The following PCDH9 variants were observed in gnomAD, a reference collection of about 807,000 sequenced individuals.
PCDH9 encodes protocadherin-9.
Under a neutral mutation model 70.6 loss-of-function variants are expected in PCDH9, and 24 were observed. That is an observed-to-expected ratio of 0.34 (90% CI 0.25 to 0.48). The LOEUF is 0.48. Ranked by LOEUF, PCDH9 falls within the 20% of genes least tolerant of loss-of-function variation. The pLI is 0.99. For synonymous variants in PCDH9, 562 were observed against 558.5 expected, an observed-to-expected ratio of 1.01 and a Z score of -0.09; for missense variants, 1,281 against 1,503.6, an observed-to-expected ratio of 0.85 and a Z score of 2.45.
intron 2 of PCDH9, among the ~76,000 whole-genome samples, chr13:66,977,019 G>C (rs146489645): frequency 2.6e-5 from 4 of 152,064 alleles, no homozygotes; most frequent in African/African-American, 9.7e-5. Context: ...GTGATCCAAA[G>C]ACTTAGTCTG....
chr13:67,164,680 G>A (rs1264231953), intron 2 of PCDH9, among the ~76,000 whole-genome samples: 2 of 152,100 alleles, frequency 1.3e-5, no homozygotes, highest in African/African-American at 4.8e-5. Context: ...CCTGCACTCT[G>A]ATCAGGTCAC....
chr13:66,753,721 T>C (rs898984028), intron 3 of PCDH9, among the ~76,000 whole-genome samples: 4 of 152,128 alleles, frequency 2.6e-5, no homozygotes, highest in African/African-American at 4.8e-5. Flanking sequence ...GTAAAAACGT[T>C]TCAGTGCGTT....
At chr13:67,200,715 A>ACT in intron 2 of PCDH9, among the ~76,000 whole-genome samples, 1 of 152,074 alleles carries the variant, frequency 6.6e-6, no homozygotes, top group East Asian at 1.9e-4. Flanking sequence ...ATACTCAGTT[A>ACT]AAGTGCAAAT....
rs116210294 is a variant in PCDH9 at position 66,986,162 on chromosome 13, A to C, written c.3037-82557T>G. Reference sequence around the variant, plus strand: ...TTCTTCACATGGCAGCAGGAAGGAAAAGTGCTGATCCAAGGGGGAAAAGAC... The same window carrying C: ...TTCTTCACATGGCAGCAGGAAGGAACAGTGCTGATCCAAGGGGGAAAAGAC... On this transcript the variant is annotated intron_variant, in intron 2 of 4. Transcript: ENST00000377865. Among the ~76,000 whole-genome samples, 502 of 152,098 alleles carry C rather than the reference A, an allele frequency of 3.3e-3. 2 individuals are homozygous for C. The highest frequency in any genetic ancestry group is 0.011 in the African/African-American group (461 of 41,524).
intron 2 of PCDH9, among the ~76,000 whole-genome samples, chr13:66,904,566 T>A (rs1252366791): frequency 6.6e-6 from 1 of 152,016 alleles, no homozygotes; most frequent in African/African-American, 2.4e-5. Flanking sequence ...AAAACTATAA[T>A]ATATGCATCG....
chr13:66,653,973 T>TAAAAAAAAAAA (rs59143528), intron 3 of PCDH9, among the ~76,000 whole-genome samples: 33 of 128,354 alleles, frequency 2.6e-4, no homozygotes, highest in South Asian at 5.0e-4. Flanking sequence ...GTCTCAAAAT[T>TAAAAAAAAAAA]AAAAAAAAAA....
At chr13:66,862,456 C>A (rs1253797331) in intron 3 of PCDH9, among the ~76,000 whole-genome samples, 2 of 152,140 alleles carry the variant, frequency 1.3e-5, no homozygotes, top group East Asian at 1.9e-4. Flanking sequence ...TATAGAGGAA[C>A]AAAAAGATTT....
chr13:66,591,061 A>T (rs1369701770), intron 4 of PCDH9, among the ~76,000 whole-genome samples: 1 of 151,744 alleles, frequency 6.6e-6, no homozygotes, highest in East Asian at 1.9e-4. Flanking sequence ...TTATTATTTA[A>T]TGTTTCAAGT....
At chr13:66,868,716 G>A (rs1435786143) in intron 3 of PCDH9, among the ~76,000 whole-genome samples, 2 of 152,116 alleles carry the variant, frequency 1.3e-5, no homozygotes, top group East Asian at 3.8e-4. Flanking sequence ...AGAGACATAT[G>A]ACATGAAATT....
Position 66,419,387 on chromosome 13 carries a change from T to G in PCDH9, c.3341-114359A>C, listed in dbSNP as rs539344347. ...GCAAGATGGCGGAATAGGAACATCTTCAGCCTGCAGCTCCCAGCGAGACAA... is the reference window on the plus strand; with the variant it reads ...GCAAGATGGCGGAATAGGAACATCTGCAGCCTGCAGCTCCCAGCGAGACAA... On this transcript the variant is annotated intron_variant, in intron 4 of 4. Transcript: ENST00000377865. 3.3e-5 allele frequency among the ~76,000 whole-genome samples: 5 copies of G among 151,858 alleles called. No homozygotes were observed. The South Asian group carries it at 6.2e-4, about 19-fold the overall frequency.
intron 4 of PCDH9, among the ~76,000 whole-genome samples, chr13:66,355,771 C>T (rs1295150055): frequency 1.3e-5 from 2 of 152,140 alleles, no homozygotes; most frequent in African/African-American, 2.4e-5. Flanking sequence ...TAACTTTGTA[C>T]TTCCCCAAGG....
chr13:66,859,610 T>C (rs1861055881), intron 3 of PCDH9, among the ~76,000 whole-genome samples: 1 of 152,224 alleles, frequency 6.6e-6, no homozygotes, highest in Non-Finnish European at 1.5e-5. Context: ...CAGTATATAA[T>C]ACTGTTTCAG....
chr13:67,042,296 C>T (rs1047385534), intron 2 of PCDH9, among the ~76,000 whole-genome samples: 1 of 152,070 alleles, frequency 6.6e-6, no homozygotes, highest in African/African-American at 2.4e-5. Context: ...ATTGACTACT[C>T]ACAGTGCAAC....
chr13:66,970,923 A>C (rs2139747054), intron 2 of PCDH9, among the ~76,000 whole-genome samples: 1 of 152,120 alleles, frequency 6.6e-6, no homozygotes, highest in East Asian at 1.9e-4. Context: ...CAGTGTCAGA[A>C]TGGCTGCCTA....
intron 4 of PCDH9, among the ~76,000 whole-genome samples, chr13:66,498,160 T>C (rs1361600391): frequency 1.3e-5 from 2 of 151,202 alleles, no homozygotes; most frequent in Non-Finnish European, 2.9e-5. Flanking sequence ...TATTTTTTTT[T>C]TGAGACCAAG....
intron 3 of PCDH9, among the ~76,000 whole-genome samples, chr13:66,637,491 G>A (rs1249626178): frequency 6.6e-6 from 1 of 152,082 alleles, no homozygotes; most frequent in Non-Finnish European, 1.5e-5. Context: ...AATTTTTTAT[G>A]AGTCATTTTA....
At chr13:66,962,381 G>T (rs1018623764) in intron 2 of PCDH9, among the ~76,000 whole-genome samples, 1 of 147,802 alleles carries the variant, frequency 6.8e-6, no homozygotes, top group Non-Finnish European at 1.5e-5. Context: ...CACCTCCAAA[G>T]AAAAACACCA....
intron 2 of PCDH9, among the ~76,000 whole-genome samples, chr13:67,033,978 G>GT (rs895837197): frequency 3.7e-4 from 56 of 151,896 alleles, no homozygotes; most frequent in Admixed American, 3.5e-3. Context: ...AAAGGATTGT[G>GT]TTTTTTTGTT....
At chr13:66,997,666 C>A (rs1431854791) in intron 2 of PCDH9, among the ~76,000 whole-genome samples, 1 of 152,178 alleles carries the variant, frequency 6.6e-6, no homozygotes. Context: ...TCCCGAGTAG[C>A]TGGGACTACG....
Sources: allele counts gnomAD v4.1 joint callset (sites outside exome capture counted in the v4.1 genomes callset), GRCh38; gene constraint gnomAD v4.1.1; transcripts MANE v1.5; gene names NCBI Gene and HGNC (gene_info 2026-07-23, HGNC 2026-07-21).